Variants in EFL1 observed in about 807,000 individuals in gnomAD.
EFL1 encodes the protein elongation factor like GTPase 1, also known as elongation factor-like GTPase 1.
In EFL1, 76 loss-of-function variants were observed where a neutral mutation model predicts 126.7. The ratio of observed to expected loss-of-function variants is 0.60; its 90% CI spans 0.50 to 0.73. The LOEUF (loss-of-function observed/expected upper bound fraction) is 0.73. EFL1 is among the 30% of genes least tolerant of loss of function. The pLI, the probability that EFL1 is intolerant of heterozygous loss-of-function variation, is 0.00. For missense variants in EFL1, 1,128 were observed against 1,343.2 expected (o/e 0.84, Z 2.50); for synonymous variants, 410 against 448.4 (o/e 0.91, Z 1.08).
chr15:82,154,858 C>T (rs2073951009), intron 17 of EFL1, among the ~76,000 whole-genome samples: 1 of 152,190 alleles, frequency 6.6e-6, no homozygotes, highest in Non-Finnish European at 1.5e-5. Flanking sequence ...AGCTCCTGGG[C>T]TCAAGCAACC....
intron 19 of EFL1, among the ~76,000 whole-genome samples, chr15:82,137,820 C>T (rs951696608): frequency 6.6e-6 from 1 of 152,134 alleles, no homozygotes; most frequent in Non-Finnish European, 1.5e-5. Flanking sequence ...TTTGCACATG[C>T]CCTGCAGTTT....
Position 82,151,841 on chromosome 15 carries a change from A to C in EFL1, c.2613T>G (p.Ser871Arg). 6.2e-7 allele frequency: 1 copy of C among 1,614,028 alleles called. No individual in the cohort carries two copies. Among genetic ancestry groups the C allele is most frequent in the Non-Finnish European group, 8.5e-7 (1 of 1,180,008 alleles). ...CAGAGAGGGTTGCTAGTTGGAAGCC[A>C]CTCACAATGCTATTGCCCAAATCTC... The part of the protein sequence containing the change: ...RYRDLGNSIV[S>R]GFQLATLSGP... Residue 871 changes from serine (S) to arginine (R), a missense_variant, in exon 18 of 20, where the codon AGT becomes AGG. This residue lies in a region of EFL1 where 561 missense variants were observed against 641.7 expected (regional missense o/e 0.87). Coordinates refer to ENST00000268206, the MANE Select transcript of EFL1 (RefSeq NM_024580.6).
At chr15:82,138,873 G>C (rs887069048) in intron 18 of EFL1, 31 bp from the exon 19 acceptor site, 2 of 1,600,018 alleles carry the variant, frequency 1.2e-6, no homozygotes, top group Non-Finnish European at 8.5e-7. Flanking sequence ...TAAAATCATG[G>C]ATCAATCATA....
At chr15:82,226,716 T>C (rs1175698169) in intron 11 of EFL1, among the ~76,000 whole-genome samples, 1 of 152,176 alleles carries the variant, frequency 6.6e-6, no homozygotes, top group Non-Finnish European at 1.5e-5. Context: ...ATTATGAGTA[T>C]GTAGCTGTCA....
chr15:82,259,140 G>A lies in EFL1; in HGVS notation c.107C>T (p.Ala36Val), dbSNP rs2075091342. Residue 36 changes from alanine to valine, a missense_variant, in exon 3 of 20, where the codon GCT becomes GTT. Transcript: ENST00000268206. ...AHVDHGKTTL[A>V]DCLISSNGII... ...TCCATTGCTAGATATAAGACAGTCA[G>A]CCAGAGTAGTTTTTCCTGTTAAAAT... The A allele has an allele frequency of 6.2e-7, 1 of 1,613,882 alleles. No individual in the cohort carries two copies. Among genetic ancestry groups the A allele is most frequent in the Non-Finnish European group, 8.5e-7 (1 of 1,179,926 alleles).
intron 18 of EFL1, among the ~76,000 whole-genome samples, chr15:82,150,828 T>A (rs900909124): frequency 6.6e-6 from 1 of 152,236 alleles, no homozygotes; most frequent in African/African-American, 2.4e-5. Flanking sequence ...ACAACTTTGG[T>A]TACCCAGACT....
rs752165394 is a variant in EFL1, at chr15:82,152,134, G to A, written c.2320C>T (p.Arg774Cys). 6.8e-6 allele frequency: 11 copies of A among 1,613,940 alleles called. No homozygotes were observed. Among genetic ancestry groups the A allele is most frequent in the Middle Eastern group, 1.6e-4 (1 of 6,084 alleles). The change falls in exon 18 of 20, where the codon CGT (arginine) becomes TGT (cysteine). Residue 774 changes from arginine (R) to cysteine (C), a missense_variant. This residue lies in a region of EFL1 where 561 missense variants were observed against 641.7 expected (regional missense o/e 0.87). Transcript: ENST00000268206. ...GAGGATGTCAACTGCTCCATAGAAC[G>A]AATCAAATCACTATTTTCTTCCAGA... ...QILEENSDLI[R>C]SMEQLTSSLN...
chr15:82,208,207 C>A (rs1246167841), intron 15 of EFL1, among the ~76,000 whole-genome samples: 1 of 151,944 alleles, frequency 6.6e-6, no homozygotes, highest in East Asian at 1.9e-4. Context: ...ATAAAGTTTA[C>A]CAGATGGAAA....
chr15:82,134,215 G>T (rs992450251), intron 19 of EFL1, among the ~76,000 whole-genome samples: 3 of 152,160 alleles, frequency 2.0e-5, no homozygotes, highest in Non-Finnish European at 4.4e-5. Flanking sequence ...GAGAACAGGG[G>T]AGATGGAGTA....
intron 3 of EFL1, among the ~76,000 whole-genome samples, chr15:82,256,234 C>T (rs2075065647): frequency 6.6e-6 from 1 of 152,130 alleles, no homozygotes; most frequent in Non-Finnish European, 1.5e-5. Context: ...CCTAGCTTCC[C>T]AAGTAGCTGG....
intron 14 of EFL1, among the ~76,000 whole-genome samples, chr15:82,217,600 A>C (rs564498009): frequency 6.6e-6 from 1 of 152,290 alleles, no homozygotes; most frequent in Admixed American, 6.5e-5. Flanking sequence ...AAAGCATGCA[A>C]ATGTGACAAT....
intron 17 of EFL1, among the ~76,000 whole-genome samples, chr15:82,156,933 A>T (rs2073974489): frequency 6.6e-6 from 1 of 152,216 alleles, no homozygotes; most frequent in Admixed American, 6.5e-5. Flanking sequence ...AAAGTTTGAG[A>T]AGAGGCAAGT....
chr15:82,172,307 A>G (rs1236077920), intron 15 of EFL1, among the ~76,000 whole-genome samples: 1 of 152,194 alleles, frequency 6.6e-6, no homozygotes, highest in Non-Finnish European at 1.5e-5. Context: ...CAACTCACCA[A>G]TGTGATTTCT....
Position 82,152,205 on chromosome 15 carries a change from G to A in EFL1, c.2249C>T (p.Thr750Met), listed in dbSNP as rs200932900. Residue 750 changes from threonine to methionine, a missense_variant, in exon 18 of 20, where the codon ACG becomes ATG. Around this residue, in one of 6 missense-constraint regions of EFL1, gnomAD observed 561 missense variants for 641.7 expected, o/e 0.87. Transcript: ENST00000268206. The stretch of plus-strand genomic sequence containing the variant: ...AAGGGGCATGGCTCGAACACTGAGC[G>A]TGGCAAGTTTATTGGGAGTTGTTAT... ...ITITTPNKLA[T>M]LSVRAMPLPE... The A allele has an allele frequency of 3.2e-5, 51 of 1,614,054 alleles. No homozygotes were observed. The highest frequency in any genetic ancestry group is 6.7e-5 in the Admixed American group (4 of 60,004).
chr15:82,176,062 C>T (rs2074191874), intron 15 of EFL1, among the ~76,000 whole-genome samples: 1 of 152,098 alleles, frequency 6.6e-6, no homozygotes. Context: ...ACTACACAAA[C>T]TGATATTTGG....
At chr15:82,222,705 T>C (rs1244875326) in intron 12 of EFL1, among the ~76,000 whole-genome samples, 1 of 152,220 alleles carries the variant, frequency 6.6e-6, no homozygotes, top group Non-Finnish European at 1.5e-5. Context: ...GTACCCACTG[T>C]GTATCCAGCA....
chr15:82,207,575 T>TA (rs2074538825), intron 15 of EFL1, among the ~76,000 whole-genome samples: 1 of 152,092 alleles, frequency 6.6e-6, no homozygotes, highest in African/African-American at 2.4e-5. Context: ...GTTCAGATGG[T>TA]AAATTTTATG....
chr15:82,211,601 C>CACACACACACAA (rs1424245870), intron 15 of EFL1, among the ~76,000 whole-genome samples: 1 of 144,942 alleles, frequency 6.9e-6, no homozygotes, highest in African/African-American at 2.6e-5. Flanking sequence ...ACTAGACACA[C>CACACACACACAA]ACACACACAC....
At chr15:82,179,336 C>A (rs1012537662) in intron 15 of EFL1, among the ~76,000 whole-genome samples, 1 of 152,146 alleles carries the variant, frequency 6.6e-6, no homozygotes, top group South Asian at 2.1e-4. Context: ...TTTTAGTTAA[C>A]ATGAATTTTT....
Sources: allele counts gnomAD v4.1 joint callset (sites outside exome capture counted in the v4.1 genomes callset), GRCh38; gene constraint gnomAD v4.1.1; regional missense constraint gnomAD v4.1.1; transcripts MANE v1.5; gene names NCBI Gene and HGNC (gene_info 2026-07-23, HGNC 2026-07-21).